ADGRL2: variants seen among roughly 807,000 people sequenced by gnomAD.
ADGRL2 encodes the protein adhesion G protein-coupled receptor L2.
Under a neutral mutation model 157.4 loss-of-function variants are expected in ADGRL2, and 44 were observed. The observed-to-expected ratio is 0.28, with a 90% CI of 0.22 to 0.36. The LOEUF is 0.36. ADGRL2 is among the 10% of genes least tolerant of loss of function. The pLI is 1.00. For synonymous variants in ADGRL2, 585 were observed against 624.7 expected (o/e 0.94, Z 0.95); for missense variants, 1,510 against 1,768.9 (o/e 0.85, Z 2.63).
intron 2 of ADGRL2, among the ~76,000 whole-genome samples, chr1:81,474,904 G>A (rs1382930143): frequency 1.3e-5 from 2 of 152,124 alleles, no homozygotes; most frequent in African/African-American, 2.4e-5. Context: ...TCAAGTAACA[G>A]TGAGAAAGAT....
chr1:81,453,341 A>G (rs2077736405), intron 2 of ADGRL2, among the ~76,000 whole-genome samples: 1 of 152,200 alleles, frequency 6.6e-6, no homozygotes, highest in African/African-American at 2.4e-5. Flanking sequence ...AGTAGATGAA[A>G]AAACGCCGAG....
chr1:81,411,363 C>T (rs1316003923), intron 1 of ADGRL2, among the ~76,000 whole-genome samples: 1 of 152,106 alleles, frequency 6.6e-6, no homozygotes, highest in Non-Finnish European at 1.5e-5. Context: ...GATGATGAAA[C>T]AAACCTTTGG....
intron 1 of ADGRL2, among the ~76,000 whole-genome samples, chr1:81,358,643 G>T (rs1396893840): frequency 6.6e-6 from 1 of 152,008 alleles, no homozygotes; most frequent in African/African-American, 2.4e-5. Flanking sequence ...ACCTGGATAG[G>T]ACAGCTTTGT....
intron 2 of ADGRL2, among the ~76,000 whole-genome samples, chr1:81,576,417 T>C (rs2080798727): frequency 1.3e-5 from 2 of 152,162 alleles, no homozygotes; most frequent in Admixed American, 1.3e-4. Flanking sequence ...TAGATTTTAA[T>C]GACAGCCTCC....
chr1:81,464,819 C>T (rs1337658713), intron 2 of ADGRL2, among the ~76,000 whole-genome samples: 2 of 151,324 alleles, frequency 1.3e-5, no homozygotes, highest in Non-Finnish European at 2.9e-5. Flanking sequence ...TAATTACTGC[C>T]TAGTAAATAG....
intron 3 of ADGRL2, among the ~76,000 whole-genome samples, chr1:81,628,747 C>T (rs1008174759): frequency 6.6e-6 from 1 of 152,154 alleles, no homozygotes; most frequent in African/African-American, 2.4e-5. Flanking sequence ...AACTTTCTCA[C>T]TTCTAAATCA....
intron 1 of ADGRL2, among the ~76,000 whole-genome samples, chr1:81,732,455 T>G (rs1426561733): frequency 6.6e-6 from 1 of 152,242 alleles, no homozygotes; most frequent in Non-Finnish European, 1.5e-5. Context: ...TATTATTTAA[T>G]GCCAGCACAG....
At chr1:81,356,967 AAAAAAAG>A (rs1449789269) in intron 1 of ADGRL2, among the ~76,000 whole-genome samples, 3 of 139,482 alleles carry the variant, frequency 2.2e-5, no homozygotes, top group African/African-American at 5.1e-5. Context: ...AAAAAAAAAA[AAAAAAAG>A]AAGTTGTTTC....
intron 3 of ADGRL2, among the ~76,000 whole-genome samples, chr1:81,587,872 C>T (rs1015160989): frequency 1.3e-5 from 2 of 152,086 alleles, no homozygotes; most frequent in African/African-American, 2.4e-5. Context: ...CAAAACAAAA[C>T]TGGCAACCTC....
chr1:81,907,063 A>G lies in ADGRL2; in HGVS notation c.120A>G (p.Leu40=), dbSNP rs1268439924. The G allele has an allele frequency of 1.8e-5, 29 of 1,614,126 alleles. No individual in the cohort carries two copies. Among genetic ancestry groups the G allele is most frequent in the Non-Finnish European group, 2.4e-5 (28 of 1,180,006 alleles). Reference sequence around the variant, plus strand: ...CATTTGGGCTGGTGAGGCGAGAATTATCCTGTGAAGGTTATTCTATAGATC... The same window carrying G: ...CATTTGGGCTGGTGAGGCGAGAATTGTCCTGTGAAGGTTATTCTATAGATC... The part of the protein sequence containing the change: ...ALPFGLVRRE[L]SCEGYSIDLR... Residue 40 remains leucine, a synonymous_variant, in exon 3 of 24, where the codon TTA becomes TTG. Coordinates refer to ENST00000686636, the MANE Select transcript of ADGRL2 (RefSeq NM_001366006.2).
At chr1:81,368,723 A>ACTGACTGTCCCACTACCTCTATGCTGG (rs1570745498) in intron 1 of ADGRL2, among the ~76,000 whole-genome samples, 2 of 152,230 alleles carry the variant, frequency 1.3e-5, no homozygotes, top group Admixed American at 1.3e-4. Context: ...TTAACTGCTC[A>ACTGACTGTCCCACTACCTCTATGCTGG]CTGACTGTCC....
chr1:81,587,473 T>C (rs2081050548), intron 3 of ADGRL2, among the ~76,000 whole-genome samples: 1 of 152,038 alleles, frequency 6.6e-6, no homozygotes, highest in African/African-American at 2.4e-5. Flanking sequence ...ATAATGTAGA[T>C]TGAAACCAAA....
At chr1:81,849,654 T>A (rs2092927823) in intron 2 of ADGRL2, among the ~76,000 whole-genome samples, 1 of 151,938 alleles carries the variant, frequency 6.6e-6, no homozygotes, top group South Asian at 2.1e-4. Flanking sequence ...TGATTTTAAA[T>A]ACTATTTTGG....
At chr1:81,418,278 T>C (rs1222422780) in intron 1 of ADGRL2, among the ~76,000 whole-genome samples, 1 of 152,210 alleles carries the variant, frequency 6.6e-6, no homozygotes, top group Non-Finnish European at 1.5e-5. Flanking sequence ...CACTTCCACA[T>C]GATAATATGC....
intron 1 of ADGRL2, among the ~76,000 whole-genome samples, chr1:81,413,488 G>A (rs958098923): frequency 2.0e-5 from 3 of 151,962 alleles, no homozygotes; most frequent in Admixed American, 2.0e-4. Flanking sequence ...CTACCATTAC[G>A]GATGCCCTTA....
chr1:81,681,820 G>A (rs529124543), intron 3 of ADGRL2, among the ~76,000 whole-genome samples: 8 of 152,160 alleles, frequency 5.3e-5, no homozygotes, highest in Non-Finnish European at 8.8e-5. Flanking sequence ...GATTCATATC[G>A]TTAATCATGC....
At chr1:81,911,162 T>A (rs2094711991) in intron 3 of ADGRL2, among the ~76,000 whole-genome samples, 1 of 152,168 alleles carries the variant, frequency 6.6e-6, no homozygotes, top group African/African-American at 2.4e-5. Flanking sequence ...AGTGTGAAAC[T>A]AAAGGCTCTA....
intron 3 of ADGRL2, among the ~76,000 whole-genome samples, chr1:81,659,591 G>A (rs555995219): frequency 6.6e-6 from 1 of 152,274 alleles, no homozygotes; most frequent in South Asian, 2.1e-4. Flanking sequence ...TTTAAAAAAT[G>A]GATTGACCGC....
chr1:81,504,897 G>A (rs1406734949), intron 2 of ADGRL2, among the ~76,000 whole-genome samples: 2 of 152,182 alleles, frequency 1.3e-5, no homozygotes, highest in African/African-American at 4.8e-5. Flanking sequence ...GCTCCTCCTG[G>A]ACCCTGCGCG....
Sources: allele counts gnomAD v4.1 joint callset (sites outside exome capture counted in the v4.1 genomes callset), GRCh38; gene constraint gnomAD v4.1.1; transcripts MANE v1.5; gene names NCBI Gene and HGNC (gene_info 2026-07-23, HGNC 2026-07-21).